Variants in RASAL2 observed in about 807,000 individuals in gnomAD.
RASAL2 encodes the protein ras GTPase-activating protein nGAP.
A neutral mutation model predicts 128.9 loss-of-function variants in RASAL2; 58 were observed. The ratio of observed to expected loss-of-function variants is 0.45; its 90% CI spans 0.36 to 0.56. The LOEUF (loss-of-function observed/expected upper bound fraction) is 0.56. Among genes scored for constraint, RASAL2 ranks in the 20% least tolerant of loss-of-function variants. The pLI is 0.00. For missense variants in RASAL2, 1,360 were observed against 1,601.6 expected (o/e 0.85, Z 2.57); for synonymous variants, 561 against 580.8 (o/e 0.97, Z 0.49).
intron 3 of RASAL2, among the ~76,000 whole-genome samples, chr1:178,382,179 C>T (rs1395071971): frequency 6.6e-6 from 1 of 152,132 alleles, no homozygotes; most frequent in Non-Finnish European, 1.5e-5. Context: ...GCTCTTGTCA[C>T]TTTTTTGTTC....
chr1:178,307,879 A>G (rs1038666048), intron 3 of RASAL2, among the ~76,000 whole-genome samples: 2 of 152,242 alleles, frequency 1.3e-5, no homozygotes, highest in African/African-American at 2.4e-5. Flanking sequence ...AGTTGTTTGC[A>G]TGTAACATCA....
At chr1:178,455,074 A>T (rs1196539946) in intron 12 of RASAL2, among the ~76,000 whole-genome samples, 1 of 152,068 alleles carries the variant, frequency 6.6e-6, no homozygotes, top group Non-Finnish European at 1.5e-5. Flanking sequence ...CATGAAACAA[A>T]TTTTTTTACT....
chr1:178,188,760 T>C (rs557092139), intron 1 of RASAL2, among the ~76,000 whole-genome samples: 1 of 152,304 alleles, frequency 6.6e-6, no homozygotes, highest in South Asian at 2.1e-4. Context: ...TGTTACTATT[T>C]AGAAGGCAAA....
intron 1 of RASAL2, among the ~76,000 whole-genome samples, chr1:178,272,401 T>C (rs1428625415): frequency 6.6e-6 from 1 of 152,170 alleles, no homozygotes; most frequent in East Asian, 1.9e-4. Context: ...GGAAGTGTGA[T>C]TTATTGATCT....
intron 1 of RASAL2, among the ~76,000 whole-genome samples, chr1:178,251,492 T>C (rs965338617): frequency 6.6e-6 from 1 of 152,238 alleles, no homozygotes; most frequent in Non-Finnish European, 1.5e-5. Context: ...ATGTAAATTA[T>C]AGTTAATGAC....
intron 1 of RASAL2, among the ~76,000 whole-genome samples, chr1:178,217,929 G>A (rs1361982918): frequency 6.6e-6 from 1 of 151,482 alleles, no homozygotes; most frequent in Middle Eastern, 3.2e-3. Context: ...CCAAACTGGA[G>A]TCAATCCCTT....
intron 1 of RASAL2, among the ~76,000 whole-genome samples, chr1:178,152,763 A>G (rs1331257648): frequency 2.0e-5 from 3 of 152,172 alleles, no homozygotes; most frequent in Non-Finnish European, 4.4e-5. Context: ...GTCCCATGTA[A>G]CCATTACTCA....
chr1:178,147,515 A>AGTT (rs1660776413), intron 1 of RASAL2, among the ~76,000 whole-genome samples: 1 of 151,714 alleles, frequency 6.6e-6, no homozygotes, highest in Non-Finnish European at 1.5e-5. Context: ...AAGGAAAGCT[A>AGTT]GTTTATATAA....
rs67243509 is a variant in RASAL2, at chr1:178,311,253, A to AACACACACACACAC, written c.457+11157_457+11170dup. Among the ~76,000 whole-genome samples, 910 of 143,686 alleles carry AACACACACACACAC rather than the reference A, an allele frequency of 6.3e-3. 14 individuals are homozygous for AACACACACACACAC. Among genetic ancestry groups the AACACACACACACAC allele is most frequent in the African/African-American group, 0.018 (706 of 38,236 alleles). The allele number at this position is 143,686 out of a possible 152,430, so 94.3% of individuals were successfully genotyped here. Reference sequence around the variant, plus strand: ...AAGAAAACAGCCATACACACACACAAACACACACACACACACACACACACA... The same window carrying AACACACACACACAC: ...AAGAAAACAGCCATACACACACACAAACACACACACACACACACACACACACACACACACACACA... On this transcript the variant is annotated intron_variant, in intron 3 of 17. Transcript: ENST00000367649.
Position 178,464,420 on chromosome 1 carries a change from C to G in RASAL2, c.3387+8C>G, listed in dbSNP as rs753063264. Reference sequence around the variant, plus strand: ...GCCAAGCATGCTGAGAAGGTAGAACCTAGTCTGCTTCATCAACTTTCTGAT... The same window carrying G: ...GCCAAGCATGCTGAGAAGGTAGAACGTAGTCTGCTTCATCAACTTTCTGAT... On this transcript the variant is annotated splice_region_variant and intron_variant, in intron 15 of 17. Transcript: ENST00000367649. 3 of 1,612,036 alleles carry G rather than the reference C, an allele frequency of 1.9e-6. No homozygotes were observed. In the East Asian group the frequency reaches 6.7e-5, roughly 36 times the overall value.
At chr1:178,382,608 G>A (rs1231481836) in intron 3 of RASAL2, among the ~76,000 whole-genome samples, 1 of 143,098 alleles carries the variant, frequency 7.0e-6, no homozygotes, top group Non-Finnish European at 1.5e-5. Flanking sequence ...AACATGGGCA[G>A]AGTAATACAT....
At position 178,473,135 on chromosome 1, in the gene RASAL2, G is replaced by T. The variant is rs1648428593; in HGVS notation, c.3739G>T (p.Val1247Leu). The change falls in exon 18 of 18, where the codon GTG becomes TTG. Residue 1247 changes from valine to leucine, a missense_variant. Val to Leu is a conservative substitution (Grantham distance 32, BLOSUM62 1). Around this residue, in one of 3 missense-constraint regions of RASAL2, gnomAD observed 741 missense variants for 868.6 expected, o/e 0.85. Transcript: ENST00000367649. ...CAGACTGATGAGCGCGCTGACCCAA[G>T]TGAAGGAGCGGTACAGCATGCAGGT... ...NTRLMSALTQ[V>L]KERYSMQVRN... The T allele has an allele frequency of 6.2e-7, 1 of 1,614,092 alleles. No homozygotes were observed. The highest frequency in any genetic ancestry group is 1.7e-5 in the Admixed American group (1 of 60,004).
chr1:178,244,852 T>G (rs1039068580), intron 1 of RASAL2, among the ~76,000 whole-genome samples: 3 of 152,292 alleles, frequency 2.0e-5, no homozygotes, highest in Non-Finnish European at 4.4e-5. Context: ...CTGTGTTAGT[T>G]TGCTGAGGGT....
chr1:178,288,582 A>T (rs1667136567), intron 2 of RASAL2, among the ~76,000 whole-genome samples: 1 of 150,626 alleles, frequency 6.6e-6, no homozygotes, highest in Non-Finnish European at 1.5e-5. Flanking sequence ...TTTTTGAAAA[A>T]CATTTTAGTT....
At chr1:178,301,285 T>TG (rs1247169907) in intron 3 of RASAL2, among the ~76,000 whole-genome samples, 1 of 152,212 alleles carries the variant, frequency 6.6e-6, no homozygotes, top group Non-Finnish European at 1.5e-5. Flanking sequence ...GGTGTGGGCC[T>TG]AAATTCTACT....
At chr1:178,402,158 G>A (rs533218502) in intron 4 of RASAL2, among the ~76,000 whole-genome samples, 2 of 152,298 alleles carry the variant, frequency 1.3e-5, no homozygotes, top group African/African-American at 4.8e-5. Flanking sequence ...GCTCACGCCT[G>A]TAATCCCAGC....
At chr1:178,307,872 T>C (rs1668065071) in intron 3 of RASAL2, among the ~76,000 whole-genome samples, 1 of 152,238 alleles carries the variant, frequency 6.6e-6, no homozygotes, top group African/African-American at 2.4e-5. Context: ...CAAGGATAGT[T>C]GTTTGCATGT....
At chr1:178,446,869 CAG>C (rs1406710126) in intron 9 of RASAL2, among the ~76,000 whole-genome samples, 1 of 152,052 alleles carries the variant, frequency 6.6e-6, no homozygotes, top group African/African-American at 2.4e-5. Flanking sequence ...AGGTTAAAAA[CAG>C]ACATTGAGCA....
intron 1 of RASAL2, among the ~76,000 whole-genome samples, chr1:178,146,266 G>A (rs1470386513): frequency 3.3e-5 from 5 of 152,216 alleles, no homozygotes; most frequent in African/African-American, 1.2e-4. Flanking sequence ...ACAACAGAGA[G>A]GAATGGTTGT....
Sources: allele counts gnomAD v4.1 joint callset (sites outside exome capture counted in the v4.1 genomes callset), GRCh38; gene constraint gnomAD v4.1.1; regional missense constraint gnomAD v4.1.1; transcripts MANE v1.5; gene names NCBI Gene and HGNC (gene_info 2026-07-23, HGNC 2026-07-21).